PFAS: variants seen among roughly 807,000 people sequenced by gnomAD.
PFAS encodes the protein phosphoribosylformylglycinamidine synthase, also known as FGAM synthase.
A neutral mutation model predicts 140.6 loss-of-function variants in PFAS; 97 were observed. That is an observed-to-expected ratio of 0.69 (90% CI 0.59 to 0.82). The LOEUF (loss-of-function observed/expected upper bound fraction) is 0.82, where lower values mean the gene tolerates loss of function less well. Ranked by LOEUF, PFAS falls within the 40% of genes least tolerant of loss-of-function variation. PFAS has a pLI of 0.00. For synonymous variants in PFAS, 679 were observed against 718.8 expected, an observed-to-expected ratio of 0.94 and a Z score of 0.88; for missense variants, 1,656 against 1,780.2, an observed-to-expected ratio of 0.93 and a Z score of 1.26.
chr17:8,268,002 TTATTTA>T (rs971705117), intron 26 of PFAS, among the ~76,000 whole-genome samples: 2 of 139,010 alleles, frequency 1.4e-5, no homozygotes, highest in African/African-American at 5.4e-5. Flanking sequence ...TTAAAATATA[TTATTTA>T]TATATATTAT....
chr17:8,257,214 T>G (rs1196756864), intron 9 of PFAS, among the ~76,000 whole-genome samples: 1 of 152,194 alleles, frequency 6.6e-6, no homozygotes, highest in Admixed American at 6.5e-5. Flanking sequence ...AAGCATGATA[T>G]TGGGTTGGTC....
At chr17:8,256,723 G>T in intron 8 of PFAS, 75 bp downstream of exon 8, 1 of 1,566,494 alleles carries the variant, frequency 6.4e-7, no homozygotes, top group Non-Finnish European at 8.6e-7. Context: ...CCCTGGAGTG[G>T]GCCTGGGGAA....
chr17:8,252,830 C>T (rs534173959), intron 1 of PFAS, among the ~76,000 whole-genome samples: 8 of 152,222 alleles, frequency 5.3e-5, no homozygotes, highest in African/African-American at 1.9e-4. Flanking sequence ...CCATGTTGCC[C>T]AGGTTGGTCT....
At chr17:8,248,190 G>C (rs1198550111), upstream of PFAS, 1 of 645,368 alleles carries the variant, frequency 1.5e-6, no homozygotes, top group East Asian at 2.7e-5. Flanking sequence ...TAGAGACTCC[G>C]CGAGGCGCCT....
chr17:8,267,173 G>A lies in PFAS; in HGVS notation c.3113G>A (p.Arg1038Gln), dbSNP rs767773849. The A allele has an allele frequency of 4.9e-5, 78 of 1,608,110 alleles. No homozygotes were observed. The highest frequency in any genetic ancestry group is 1.5e-5 in the Non-Finnish European group (18 of 1,177,956). ...VAEEERGLRE[R>Q]MGPSYCLPPT... ...GAGGAGGAACGGGGCCTGAGGGAGC[G>A]GATGGGGCCCAGCTATTGCCTGCCC... Residue 1038 changes from arginine to glutamine, a missense_variant, in exon 24 of 28, where the codon CGG (arginine) becomes CAG (glutamine). Physicochemically the swap from Arg to Gln is conservative, Grantham distance 43. Transcript: ENST00000314666. This position sits in a 1 kb window ranked among gnomAD's most constrained non-coding sequence, Gnocchi z 4.9.
Position 8,262,941 on chromosome 17 carries a change from G to C in PFAS, c.1358G>C (p.Gly453Ala). The C allele has an allele frequency of 6.2e-7, 1 of 1,614,096 alleles. No homozygotes were observed. The highest frequency in any genetic ancestry group is 1.1e-5 in the South Asian group (1 of 91,078). ...PEPGMEVVKV[G>A]GPVYRIGVGG... is the part of the protein sequence containing the mutation. ...ACAGGCATGGAAGTTGTAAAGGTTG[G>C]AGGTCCCGTCTACAGGATTGGAGTT... Residue 453 changes from glycine (G) to alanine (A), a missense_variant, in exon 12 of 28, where the codon GGA becomes GCA. By Grantham distance (60) the Gly-to-Ala change is moderately conservative (BLOSUM62 0). This residue lies in a region of PFAS where 773 missense variants were observed against 757.3 expected (regional missense o/e 1.02). Coordinates refer to ENST00000314666, the MANE Select transcript of PFAS (RefSeq NM_012393.3).
intron 18 of PFAS, 56 bp downstream of exon 18, chr17:8,265,181 A>G (rs1989761194): frequency 6.4e-7 from 1 of 1,564,684 alleles, no homozygotes; most frequent in African/African-American, 1.4e-5. Context: ...ACCCTTCCAC[A>G]TCCATCTGTA....
chr17:8,247,941 A>T, upstream of PFAS: 1 of 1,531,600 alleles, frequency 6.5e-7, no homozygotes, highest in Non-Finnish European at 9.0e-7. Flanking sequence ...AGGAAATAGG[A>T]AGAGAAAGAG....
intron 3 of PFAS, 72 bp from the exon 4 acceptor site, chr17:8,254,955 A>G (rs6503094): frequency 0.77 from 803,701 of 1,049,582 alleles, 311,567 homozygotes; most frequent in Non-Finnish European, 0.8. Context: ...AGACAGCAGT[A>G]GGCAGGATCC....
chr17:8,262,653 G>A (rs1367933651), intron 11 of PFAS, among the ~76,000 whole-genome samples: 3 of 152,008 alleles, frequency 2.0e-5, no homozygotes, highest in Admixed American at 6.6e-5. Flanking sequence ...AAAATTAGCC[G>A]GGCACGATAG....
In PFAS at chr17:8,269,208, C is replaced by T; in HGVS notation, c.3961C>T (p.Pro1321Ser). 1 of 1,613,444 alleles carries T rather than the reference C, an allele frequency of 6.2e-7. No homozygotes were observed. Among genetic ancestry groups the T allele is most frequent in the Non-Finnish European group, 8.5e-7 (1 of 1,179,774 alleles). ...TCCATTTGATACTCTGACCACCTCCCCCTGGCTCCAGCTCTTTATCAATGC... is the reference window on the plus strand; with the variant it reads ...TCCATTTGATACTCTGACCACCTCCTCCTGGCTCCAGCTCTTTATCAATGC... ...PPPFDTLTTS[P>S]WLQLFINARN... Residue 1321 changes from proline to serine, a missense_variant, in exon 28 of 28, where the codon CCC becomes TCC. Coordinates refer to ENST00000314666, the MANE Select transcript of PFAS (RefSeq NM_012393.3).
chr17:8,249,473 C>G (rs1989047350), intron 1 of PFAS, 134 bp downstream of exon 1: 1 of 152,284 alleles, frequency 6.6e-6, no homozygotes. Context: ...CGCGTATTTG[C>G]TTTAGTGGAG....
At chr17:8,259,372 G>A (rs1422046905) in intron 11 of PFAS, among the ~76,000 whole-genome samples, 1 of 152,130 alleles carries the variant, frequency 6.6e-6, no homozygotes, top group African/African-American at 2.4e-5. Context: ...CTGGGCTCAA[G>A]CAGTTCTCCT....
At position 8,258,127 on chromosome 17, in the gene PFAS, A is replaced by ATG; in HGVS notation, c.1264_1265insTG (p.Lys422MetfsTer18). ...AGACGGCCAGCGGCGTGAGTGGATC[A>ATG]AGCCCATCATGTTTAGTGGGGGCAT... On this transcript the variant is annotated frameshift_variant, in exon 11 of 28. Coordinates refer to ENST00000314666, the MANE Select transcript of PFAS (RefSeq NM_012393.3). LOFTEE classifies it high-confidence loss of function. The ATG allele has an allele frequency of 6.2e-7, 1 of 1,614,110 alleles. No individual in the cohort carries two copies. The highest frequency in any genetic ancestry group is 1.3e-5 in the African/African-American group (1 of 75,046).
chr17:8,257,794 C>G lies in PFAS; in HGVS notation c.1076-13C>G. 1 of 1,613,744 alleles carries G rather than the reference C, an allele frequency of 6.2e-7. No individual in the cohort carries two copies. On this transcript the variant is annotated splice_polypyrimidine_tract_variant and intron_variant, in intron 9 of 27. Transcript: ENST00000314666. ...TCATTCAGTTCATCCAGTTCTCTCTCCTTCCCTCCCAGGTTACAATCTGCC... is the reference window on the plus strand; with the variant it reads ...TCATTCAGTTCATCCAGTTCTCTCTGCTTCCCTCCCAGGTTACAATCTGCC...
At chr17:8,254,459 C>T (rs1405976428) in intron 3 of PFAS, among the ~76,000 whole-genome samples, 158 bp downstream of exon 3, 1 of 152,178 alleles carries the variant, frequency 6.6e-6, no homozygotes, top group Non-Finnish European at 1.5e-5. Flanking sequence ...AAGACCTAGC[C>T]TGCTCCAAAA....
rs145380598 is a variant in PFAS, at chr17:8,258,580, C to T, written c.1336+381C>T. 6.2e-3 allele frequency among the ~76,000 whole-genome samples: 937 copies of T among 152,256 alleles called. 12 individuals carry two copies. Among genetic ancestry groups the T allele is most frequent in the African/African-American group, 0.022 (903 of 41,554 alleles). On this transcript the variant is annotated intron_variant, in intron 11 of 27. Transcript: ENST00000314666. ...GGTGGGCCAGGCAGGGTGGCTCGCA[C>T]CTGTAATCTCAGCACTTTGGGAGAC...
rs543836971 is a variant in PFAS, at chr17:8,256,216, G to T, written c.681-51G>T. ...TGCTGGTGAGAAGACATGGCATTAAGAAATGACCCCGTTTCCACCTGCCTT... is the reference window on the plus strand; with the variant it reads ...TGCTGGTGAGAAGACATGGCATTAATAAATGACCCCGTTTCCACCTGCCTT... On this transcript the variant is annotated intron_variant, in intron 6 of 27. Coordinates refer to ENST00000314666, the MANE Select transcript of PFAS (RefSeq NM_012393.3). The T allele has an allele frequency of 4.4e-6, 7 of 1,589,706 alleles. No individual in the cohort carries two copies. In the African/African-American group the frequency reaches 8.1e-5, roughly 18 times the overall value.
chr17:8,265,155 GC>G, intron 18 of PFAS, 30 bp downstream of exon 18: 1 of 1,591,874 alleles, frequency 6.3e-7, no homozygotes, highest in Non-Finnish European at 8.6e-7. Context: ...CTATCCTGGA[GC>G]CCCCGGGCTT....
Sources: gnomAD v4.1 joint callset for allele counts (sites outside exome capture counted in the v4.1 genomes callset) on GRCh38, gnomAD v4.1.1 for gene constraint, gnomAD v4.1.1 regional missense constraint, Gnocchi (gnomAD v3.1) non-coding constraint, MANE v1.5 for transcripts, NCBI Gene and HGNC (gene_info 2026-07-23, HGNC 2026-07-21) for gene names.